BPIFB1: variants seen among roughly 807,000 people sequenced by gnomAD.
The protein encoded by BPIFB1 is BPI fold containing family B member 1, also known as BPI fold-containing family B member 1.
A neutral mutation model predicts 55.1 loss-of-function variants in BPIFB1; 34 were observed. The observed-to-expected ratio is 0.62, with a 90% CI of 0.47 to 0.82. BPIFB1 has a LOEUF of 0.82. BPIFB1 is among the 40% of genes least tolerant of loss of function. BPIFB1 has a pLI of 0.00. For synonymous variants in BPIFB1, 236 were observed against 245.3 expected, an observed-to-expected ratio of 0.96 and a Z score of 0.35; for missense variants, 532 against 593.1, an observed-to-expected ratio of 0.90 and a Z score of 1.07.
chr20:33,308,045 G>A (rs1413588629), intron 15 of BPIFB1: 1 of 152,210 alleles, frequency 6.6e-6, no homozygotes, highest in East Asian at 1.9e-4. Context: ...AGCTTCTGGG[G>A]AGGCTTCAGG....
chr20:33,309,799 G>T lies in BPIFB1; in HGVS notation c.*32G>T. ...GGATGGCAGCCATCAGGGAAGGCTG[G>T]GTCCCAGCTGGGAGTATGGGTGTGA... On this transcript the variant is annotated 3_prime_UTR_variant, in exon 16 of 16. Coordinates refer to ENST00000253354, the MANE Select transcript of BPIFB1 (RefSeq NM_033197.3). This position sits in a 1 kb window ranked among gnomAD's most constrained non-coding sequence, Gnocchi z 4.4. 5 of 1,592,536 alleles carry T rather than the reference G, an allele frequency of 3.1e-6. No individual in the cohort carries two copies. The highest frequency in any genetic ancestry group is 4.3e-6 in the Non-Finnish European group (5 of 1,160,744).
At chr20:33,302,498 G>A (rs946393802) in intron 10 of BPIFB1, 86 bp downstream of exon 10, 1 of 1,437,928 alleles carries the variant, frequency 7.0e-7, no homozygotes, top group African/African-American at 1.4e-5. Flanking sequence ...AGTGGGACTA[G>A]TGTTTCATTC....
At position 33,307,021 on chromosome 20, in the gene BPIFB1, G is replaced by C. The variant is rs767467931; in HGVS notation, c.1395+34G>C. On this transcript the variant is annotated intron_variant, in intron 15 of 15. Coordinates refer to ENST00000253354, the MANE Select transcript of BPIFB1 (RefSeq NM_033197.3). ...GTGTGGCCCTAAACATCCTGCCCCAGGGAGGGCACAGCCACTGAGAGCCCT... is the reference window on the plus strand; with the variant it reads ...GTGTGGCCCTAAACATCCTGCCCCACGGAGGGCACAGCCACTGAGAGCCCT... 2.5e-6 allele frequency: 4 copies of C among 1,592,636 alleles called. No individual in the cohort carries two copies. In the South Asian group the frequency reaches 3.3e-5, roughly 13 times the overall value.
chr20:33,306,243 G>C (rs968880660), intron 14 of BPIFB1, among the ~76,000 whole-genome samples, 178 bp downstream of exon 14: 1 of 152,188 alleles, frequency 6.6e-6, no homozygotes, highest in South Asian at 2.1e-4. Flanking sequence ...TAGTGCCAGA[G>C]GCTGGGCTCG....
Position 33,288,856 on chromosome 20 carries a change from G to A in BPIFB1, c.231G>A (p.Val77=). 2 of 1,613,780 alleles carry A rather than the reference G, an allele frequency of 1.2e-6. No homozygotes were observed. The highest frequency in any genetic ancestry group is 1.7e-6 in the Non-Finnish European group (2 of 1,179,984). ...AGGIPVLGSL[V]NTVLKHIIWL... ...GCATCCCTGTGCTGGGCAGCCTGGT[G>A]AACACCGTCCTGAAGCACATCATCT... Residue 77 remains valine, a synonymous_variant, in exon 3 of 16, where the codon GTG becomes GTA. Transcript: ENST00000253354.
intron 15 of BPIFB1, among the ~76,000 whole-genome samples, chr20:33,308,445 C>G (rs1388041497): frequency 2.0e-5 from 3 of 150,630 alleles, no homozygotes; most frequent in Non-Finnish European, 2.9e-5. Context: ...CATGCACACA[C>G]ACATATACAC....
chr20:33,286,912 C>G (rs1980286327), intron 2 of BPIFB1, among the ~76,000 whole-genome samples: 1 of 152,236 alleles, frequency 6.6e-6, no homozygotes, highest in South Asian at 2.1e-4. Context: ...ACTCTAAAGT[C>G]TCATCCCCTT....
chr20:33,285,178 G>A (rs6057814), intron 1 of BPIFB1, among the ~76,000 whole-genome samples: 5,605 of 152,188 alleles, frequency 0.037, 317 homozygotes, highest in African/African-American at 0.12. Context: ...GATATGGGAG[G>A]AGAAAAGCAT....
intron 7 of BPIFB1, chr20:33,299,253 A>G (rs1463166035): frequency 2.2e-6 from 1 of 445,960 alleles, no homozygotes; most frequent in African/African-American, 2.0e-5. Flanking sequence ...CTGGCCCTCC[A>G]GCACTCCCCA....
chr20:33,302,985 G>C lies in BPIFB1; in HGVS notation c.1051G>C (p.Asp351His), dbSNP rs748350120. ...TCAGGACACTCCCGAGTTTTTTATA[G>C]ACCAAGGCCATGCCAAGGTGGCCCA... ...LTQDTPEFFIDQGHAKVAQLI... is the reference protein window; with the variant it reads ...LTQDTPEFFIHQGHAKVAQLI... The change falls in exon 11 of 16, where the codon GAC becomes CAC. Residue 351 changes from aspartate to histidine, a missense_variant. Coordinates refer to ENST00000253354, the MANE Select transcript of BPIFB1 (RefSeq NM_033197.3). 6.8e-6 allele frequency: 11 copies of C among 1,613,990 alleles called. No homozygotes were observed. The East Asian group carries it at 2.5e-4, about 36-fold the overall frequency.
rs535791914 is a variant in BPIFB1 at position 33,286,051 on chromosome 20, G to C, written c.-23G>C. 2 of 1,611,454 alleles carry C rather than the reference G, an allele frequency of 1.2e-6. No homozygotes were observed. Among genetic ancestry groups the C allele is most frequent in the South Asian group, 2.2e-5 (2 of 91,020 alleles). On this transcript the variant is annotated 5_prime_UTR_variant, in exon 2 of 16. Coordinates refer to ENST00000253354, the MANE Select transcript of BPIFB1 (RefSeq NM_033197.3). ...ACCCCAGGTCTGGCATCCTGCACTT[G>C]CTGCCCTCTGACACCTGGGAAGATG...
At chr20:33,286,314 A>G (rs1980265399) in intron 2 of BPIFB1, 126 bp downstream of exon 2, 1 of 784,376 alleles carries the variant, frequency 1.3e-6, no homozygotes. Flanking sequence ...AACGTGGGTG[A>G]ACATGAGTGG....
intron 2 of BPIFB1, among the ~76,000 whole-genome samples, chr20:33,286,512 C>A (rs1469932811): frequency 2.0e-5 from 3 of 152,228 alleles, no homozygotes; most frequent in Non-Finnish European, 4.4e-5. Context: ...CAGAGCACCC[C>A]GTCTTAGTTA....
intron 7 of BPIFB1, chr20:33,299,117 G>C (rs1228202144): frequency 2.2e-6 from 1 of 456,534 alleles, no homozygotes; most frequent in Non-Finnish European, 4.4e-6. Flanking sequence ...TTAAGACGAG[G>C]AAACAGATTC....
chr20:33,298,353 C>T (rs75914519), intron 7 of BPIFB1, among the ~76,000 whole-genome samples: 5,034 of 152,312 alleles, frequency 0.033, 101 homozygotes, highest in Non-Finnish European at 0.048. Context: ...CGGGAGGGCA[C>T]AGGCTCCTGC....
At chr20:33,295,896 A>C (rs979817957) in intron 6 of BPIFB1, among the ~76,000 whole-genome samples, 1 of 141,406 alleles carries the variant, frequency 7.1e-6, no homozygotes, top group Admixed American at 7.0e-5. Flanking sequence ...GGAAGGAAAG[A>C]AGGAAGGAAG....
At chr20:33,302,862 T>C (rs1203205870) in intron 10 of BPIFB1, 54 bp from the exon 11 acceptor site, 21 of 1,599,358 alleles carry the variant, frequency 1.3e-5, no homozygotes, top group Non-Finnish European at 1.7e-5. Context: ...ACACAGAGCC[T>C]GTGGGCCATG....
At chr20:33,290,408 CTGCAACAA>C (rs1278765188) in intron 4 of BPIFB1, among the ~76,000 whole-genome samples, 2 of 152,156 alleles carry the variant, frequency 1.3e-5, no homozygotes, top group Non-Finnish European at 2.9e-5. Context: ...CCCAAAGCTA[CTGCAACAA>C]TTCAGGAGGA....
chr20:33,294,448 C>T (rs958517126), intron 6 of BPIFB1, among the ~76,000 whole-genome samples: 2 of 152,112 alleles, frequency 1.3e-5, no homozygotes, highest in Admixed American at 1.3e-4. Flanking sequence ...GAGACTCCGA[C>T]CTTTTAGCAA....
Sources: gnomAD v4.1 joint callset for allele counts (sites outside exome capture counted in the v4.1 genomes callset) on GRCh38, gnomAD v4.1.1 for gene constraint, Gnocchi (gnomAD v3.1) non-coding constraint, MANE v1.5 for transcripts, NCBI Gene and HGNC (gene_info 2026-07-23, HGNC 2026-07-21) for gene names.